Variants in TMPRSS15 observed in about 807,000 individuals in gnomAD.
TMPRSS15 encodes transmembrane serine protease 15.
In TMPRSS15, 128 loss-of-function variants were observed where a neutral mutation model predicts 125.3. The observed-to-expected ratio is 1.02, with a 90% confidence interval of 0.89 to 1.18. The LOEUF is 1.18. TMPRSS15 is among the 50% of genes most tolerant of loss of function. The pLI is 0.00. For missense variants in TMPRSS15, 1,283 were observed against 1,212.7 expected (o/e 1.06, Z -0.86); for synonymous variants, 446 against 423.2 (o/e 1.05, Z -0.66).
chr21:18,435,314 T>C (rs1465818074), intron 1 of TMPRSS15, among the ~76,000 whole-genome samples: 1 of 152,226 alleles, frequency 6.6e-6, no homozygotes, highest in East Asian at 1.9e-4. Flanking sequence ...CATCAATACC[T>C]AATTCATTGA....
intron 6 of TMPRSS15, among the ~76,000 whole-genome samples, chr21:18,369,626 T>C (rs1230711687): frequency 6.6e-6 from 1 of 151,882 alleles, no homozygotes; most frequent in Non-Finnish European, 1.5e-5. Context: ...AGCTCACAGC[T>C]GGAGCAAAAA....
chr21:18,323,195 C>G (rs144281300), intron 16 of TMPRSS15, among the ~76,000 whole-genome samples: 1 of 152,240 alleles, frequency 6.6e-6, no homozygotes, highest in Non-Finnish European at 1.5e-5. Context: ...GATGCTTTAA[C>G]TTTTGCAGAT....
chr21:18,285,531 T>C (rs1051561224), intron 21 of TMPRSS15, among the ~76,000 whole-genome samples: 1 of 152,254 alleles, frequency 6.6e-6, no homozygotes, highest in Admixed American at 6.5e-5. Context: ...ATTTTTGGTC[T>C]CTATTTTTAT....
rs545617053 is a variant in TMPRSS15, at chr21:18,435,282, C to G, written c.11-36953G>C. On this transcript the variant is annotated intron_variant, in intron 1 of 7. Coordinates refer to the TMPRSS15 transcript ENST00000422787. ...GGCTGTGGGTTTTTCATAGATAGCT[C>G]TTATTATTTTGAGATACGTCCCATC... Among the ~76,000 whole-genome samples, 9 of 152,152 alleles carry G rather than the reference C, an allele frequency of 5.9e-5. No individual in the cohort carries two copies. The South Asian group carries it at 1.9e-3, about 32-fold the overall frequency.
chr21:18,280,026 C>T (rs1319230869), intron 22 of TMPRSS15, among the ~76,000 whole-genome samples: 2 of 152,128 alleles, frequency 1.3e-5, no homozygotes, highest in African/African-American at 4.8e-5. Flanking sequence ...CAGGGATATA[C>T]AACTAACCGT....
chr21:18,352,970 C>T lies in TMPRSS15; in HGVS notation c.1104G>A (p.Arg368=), dbSNP rs761034935. The T allele has an allele frequency of 5.0e-6, 8 of 1,612,118 alleles. No homozygotes were observed. The highest frequency in any genetic ancestry group is 6.8e-6 in the Non-Finnish European group (8 of 1,178,922). ...QDLNDDNEWE[R]IQGSTFSPFT... ...AAGGAGAAAAGGTGCTTCCCTGAAT[C>T]CTTTCCCATTCATTATCATCATTTA... Residue 368 remains arginine (R), a synonymous_variant, in exon 10 of 25, where the codon AGG becomes AGA. Coordinates refer to ENST00000284885, the MANE Select transcript of TMPRSS15 (RefSeq NM_002772.3).
At chr21:18,423,107 C>T (rs1010811578) in intron 1 of TMPRSS15, among the ~76,000 whole-genome samples, 16 of 152,122 alleles carry the variant, frequency 1.1e-4, no homozygotes, top group African/African-American at 3.6e-4. Flanking sequence ...TGTGGATTTA[C>T]GAATGATAAG....
intron 1 of TMPRSS15, among the ~76,000 whole-genome samples, chr21:18,465,121 A>T (rs1248371115): frequency 6.6e-6 from 1 of 152,188 alleles, no homozygotes; most frequent in Non-Finnish European, 1.5e-5. Flanking sequence ...CAAATCAATA[A>T]ATGTAATCCA....
chr21:18,440,365 T>C (rs2076238425), intron 1 of TMPRSS15, among the ~76,000 whole-genome samples: 2 of 21,888 alleles, frequency 9.1e-5, no homozygotes, highest in Non-Finnish European at 1.9e-4. Context: ...AGAGCGAAAC[T>C]CCGTCTCAAA....
In TMPRSS15 at chr21:18,332,017, C is replaced by T. The variant is rs529701449; in HGVS notation, c.1654+67G>A. ...GACAAATTTATAATCTACTTTGCTG[C>T]GTCAAGGGGAGATCTACATTTCATA... On this transcript the variant is annotated intron_variant, in intron 14 of 24. Coordinates refer to ENST00000284885, the MANE Select transcript of TMPRSS15 (RefSeq NM_002772.3). 5.9e-5 allele frequency: 81 copies of T among 1,362,850 alleles called. 1 individual carries two copies. The highest frequency in any genetic ancestry group is 3.0e-4 in the South Asian group (26 of 85,742). 84.4% of individuals were successfully genotyped at this position (1,362,850 alleles called of 1,614,324 possible).
chr21:18,365,383 AT>A, intron 6 of TMPRSS15, 135 bp from the exon 7 acceptor site: 1 of 767,188 alleles, frequency 1.3e-6, no homozygotes, highest in Non-Finnish European at 2.3e-6. Flanking sequence ...GTAAGATTTC[AT>A]GTTTGAAACC....
chr21:18,460,464 A>G (rs529789432), intron 1 of TMPRSS15: 1 of 152,304 alleles, frequency 6.6e-6, no homozygotes, highest in South Asian at 2.1e-4. Context: ...TACCTAAGTT[A>G]TTCAATTATT....
At chr21:18,444,166 G>T (rs2076249761) in intron 1 of TMPRSS15, among the ~76,000 whole-genome samples, 1 of 152,144 alleles carries the variant, frequency 6.6e-6, no homozygotes. Context: ...GCCAAGGGTT[G>T]CAGCAGCCTG....
At chr21:18,464,800 G>T (rs552958517) in intron 1 of TMPRSS15, among the ~76,000 whole-genome samples, 1 of 152,178 alleles carries the variant, frequency 6.6e-6, no homozygotes, top group South Asian at 2.1e-4. Flanking sequence ...CCCAGGACCA[G>T]ATGGATTCAC....
chr21:18,397,989 A>AT, intron 2 of TMPRSS15, 43 bp from the exon 3 acceptor site: 1 of 1,355,026 alleles, frequency 7.4e-7, no homozygotes, highest in Non-Finnish European at 1.0e-6. Flanking sequence ...TAAATTTAGG[A>AT]TTTTAACTTT....
intron 3 of TMPRSS15, among the ~76,000 whole-genome samples, chr21:18,393,833 C>T (rs1215796797): frequency 6.6e-6 from 1 of 152,070 alleles, no homozygotes; most frequent in Non-Finnish European, 1.5e-5. Context: ...AATAGCCTAT[C>T]AAAACAGAGA....
chr21:18,462,163 C>T (rs1978562878), intron 1 of TMPRSS15, among the ~76,000 whole-genome samples: 1 of 151,994 alleles, frequency 6.6e-6, no homozygotes, highest in Non-Finnish European at 1.5e-5. Context: ...ACTCTTAGCT[C>T]TCAAGGTCAC....
At chr21:18,464,322 A>T (rs2122954498) in intron 1 of TMPRSS15, among the ~76,000 whole-genome samples, 1 of 152,072 alleles carries the variant, frequency 6.6e-6, no homozygotes, top group Admixed American at 6.6e-5. Context: ...AAGATCTAAA[A>T]TCGACACCCT....
At chr21:18,429,651 T>C (rs2076212196) in intron 1 of TMPRSS15, among the ~76,000 whole-genome samples, 1 of 152,208 alleles carries the variant, frequency 6.6e-6, no homozygotes, top group Admixed American at 6.5e-5. Context: ...TCTGCCATGA[T>C]TCTGAGGTTT....
Sources: gnomAD v4.1 joint callset for allele counts (sites outside exome capture counted in the v4.1 genomes callset) on GRCh38, gnomAD v4.1.1 for gene constraint, MANE v1.5 for transcripts, NCBI Gene and HGNC (gene_info 2026-07-23, HGNC 2026-07-21) for gene names.